The following SLC24A2 variants were observed in gnomAD, a reference collection of about 807,000 sequenced individuals.
SLC24A2 encodes the protein sodium/potassium/calcium exchanger 2.
SLC24A2 carries 36 observed loss-of-function variants against 62.0 expected under a neutral mutation model. The ratio of observed to expected loss-of-function variants is 0.58; its 90% CI spans 0.44 to 0.77. SLC24A2 has a LOEUF of 0.77. Among genes scored for constraint, SLC24A2 ranks in the 30% least tolerant of loss-of-function variants. The pLI, the probability that SLC24A2 is intolerant of heterozygous loss-of-function variation, is 0.00. For missense variants in SLC24A2, 846 were observed against 817.9 expected, an observed-to-expected ratio of 1.03 and a Z score of -0.42; for synonymous variants, 358 against 294.0, an observed-to-expected ratio of 1.22 and a Z score of -2.23.
At chr9:19,558,024 C>G (rs550203865) in intron 7 of SLC24A2, among the ~76,000 whole-genome samples, 64 of 152,214 alleles carry the variant, frequency 4.2e-4, no homozygotes, top group Admixed American at 8.5e-4. Context: ...CACTTAGTTG[C>G]CCAGGCTGAC....
the SLC24A2 span, among the ~76,000 whole-genome samples, chr9:19,959,728 A>T: frequency 5.9e-5 from 9 of 152,208 alleles, no homozygotes; most frequent in Non-Finnish European, 1.0e-4. Flanking sequence ...CTTATTTAAG[A>T]TTCCTCTAGT....
At chr9:19,791,440 C>T (rs568277374), upstream of SLC24A2, among the ~76,000 whole-genome samples, 1 of 152,158 alleles carries the variant, frequency 6.6e-6, no homozygotes, top group Admixed American at 6.5e-5. Context: ...AATCAGGGCT[C>T]TCTTAGTAAG....
At chr9:20,172,230 C>T in the SLC24A2 span, among the ~76,000 whole-genome samples, 1 of 151,942 alleles carries the variant, frequency 6.6e-6, no homozygotes, top group Non-Finnish European at 1.5e-5. Context: ...GTTCATAGCC[C>T]TAAATGCCTA....
chr9:19,849,722 C>T, the SLC24A2 span, among the ~76,000 whole-genome samples: 1 of 152,108 alleles, frequency 6.6e-6, no homozygotes, highest in Non-Finnish European at 1.5e-5. Context: ...TCCAACTAAA[C>T]GTCTCTGTCC....
chr9:19,519,507 G>A (rs1011892606), intron 10 of SLC24A2, among the ~76,000 whole-genome samples: 3 of 152,200 alleles, frequency 2.0e-5, no homozygotes, highest in Admixed American at 6.5e-5. Flanking sequence ...CCACGGAACT[G>A]AGAAACACTG....
chr9:19,630,837 C>T (rs977031493), intron 2 of SLC24A2, among the ~76,000 whole-genome samples: 8 of 152,118 alleles, frequency 5.3e-5, no homozygotes, highest in South Asian at 2.1e-4. Context: ...CAACACTTTC[C>T]GTTGAAAATG....
the SLC24A2 span, among the ~76,000 whole-genome samples, chr9:19,952,911 A>G: frequency 6.6e-6 from 1 of 151,912 alleles, no homozygotes; most frequent in African/African-American, 2.4e-5. Context: ...AAGGTTTATA[A>G]TTACAAATTT....
chr9:19,695,927 C>T (rs762856933), intron 2 of SLC24A2, among the ~76,000 whole-genome samples: 3 of 152,074 alleles, frequency 2.0e-5, no homozygotes, highest in Non-Finnish European at 4.4e-5. Flanking sequence ...TAAATACATG[C>T]AACAACTTTA....
chr9:19,902,825 T>C, the SLC24A2 span, among the ~76,000 whole-genome samples: 2 of 152,184 alleles, frequency 1.3e-5, no homozygotes, highest in Non-Finnish European at 1.5e-5. Flanking sequence ...AACTAACACT[T>C]CTGAGATATA....
chr9:20,160,438 TATC>T, the SLC24A2 span, among the ~76,000 whole-genome samples: 1 of 151,400 alleles, frequency 6.6e-6, no homozygotes, highest in Non-Finnish European at 1.5e-5. Context: ...TTATGATAGA[TATC>T]ATAAATATAT....
chr9:20,154,033 A>G, the SLC24A2 span, among the ~76,000 whole-genome samples: 9 of 151,998 alleles, frequency 5.9e-5, no homozygotes, highest in East Asian at 1.8e-3. Flanking sequence ...GGAAAGTTCT[A>G]AATATGGATA....
At chr9:19,547,403 G>C (rs988183175) in intron 8 of SLC24A2, among the ~76,000 whole-genome samples, 1 of 152,150 alleles carries the variant, frequency 6.6e-6, no homozygotes, top group African/African-American at 2.4e-5. Flanking sequence ...TGCCTCTCCG[G>C]ATTGTGGCAT....
At chr9:19,950,839 G>GA in the SLC24A2 span, among the ~76,000 whole-genome samples, 4 of 152,044 alleles carry the variant, frequency 2.6e-5, no homozygotes, top group African/African-American at 9.6e-5. Flanking sequence ...AAAAGGAAGT[G>GA]AAAAATAGAT....
chr9:20,217,631 G>T, the SLC24A2 span, among the ~76,000 whole-genome samples: 1 of 152,120 alleles, frequency 6.6e-6, no homozygotes, highest in African/African-American at 2.4e-5. Flanking sequence ...ACACATCGGG[G>T]GGTAAACAAA....
At chr9:20,109,276 C>G in the SLC24A2 span, among the ~76,000 whole-genome samples, 1 of 152,104 alleles carries the variant, frequency 6.6e-6, no homozygotes, top group Non-Finnish European at 1.5e-5. Context: ...GACTAGTGAA[C>G]GAGATTATGC....
chr9:19,899,049 G>A, the SLC24A2 span, among the ~76,000 whole-genome samples: 2 of 152,136 alleles, frequency 1.3e-5, no homozygotes, highest in Admixed American at 6.5e-5. Context: ...CCTGACTCCA[G>A]AGTTGCCACC....
chr9:19,665,376 G>C (rs532503371), intron 2 of SLC24A2, among the ~76,000 whole-genome samples: 231 of 152,246 alleles, frequency 1.5e-3, no homozygotes, highest in African/African-American at 5.2e-3. Flanking sequence ...GCGAGGGTGA[G>C]GGGCTGGCAG....
chr9:19,909,274 T>C, the SLC24A2 span, among the ~76,000 whole-genome samples: 2 of 152,030 alleles, frequency 1.3e-5, no homozygotes, highest in East Asian at 1.9e-4. Context: ...TAGGTGGGAA[T>C]TGAACAATGA....
At chr9:19,760,850 G>A (rs1020786397) in intron 2 of SLC24A2, among the ~76,000 whole-genome samples, 1 of 147,572 alleles carries the variant, frequency 6.8e-6, no homozygotes, top group African/African-American at 2.5e-5. Context: ...ACTCATAGGT[G>A]GAAATTGAAC....
Sources: gnomAD v4.1 joint callset for allele counts (sites outside exome capture counted in the v4.1 genomes callset) on GRCh38, gnomAD v4.1.1 for gene constraint, MANE v1.5 for transcripts, NCBI Gene and HGNC (gene_info 2026-07-23, HGNC 2026-07-21) for gene names.